CACNA1B: variants seen among roughly 807,000 people sequenced by gnomAD.
CACNA1B encodes the protein calcium voltage-gated channel subunit alpha1 B.
In CACNA1B, 70 loss-of-function variants were observed where a neutral mutation model predicts 247.2. That is an observed-to-expected ratio of 0.28 (90% CI 0.23 to 0.35). The LOEUF is 0.35. CACNA1B is among the 10% of genes least tolerant of loss of function. The probability of loss-of-function intolerance (pLI) is 1.00; values close to 1 mark genes in which losing one functional copy is unlikely to be tolerated. For missense variants in CACNA1B, 2,367 were observed against 3,197.4 expected (o/e 0.74, Z 6.26); for synonymous variants, 1,231 against 1,294.4 (o/e 0.95, Z 1.05).
intron 31 of CACNA1B, among the ~76,000 whole-genome samples, chr9:138,065,157 C>T (rs548023064): frequency 6.6e-6 from 1 of 152,306 alleles, no homozygotes; most frequent in Non-Finnish European, 1.5e-5. Flanking sequence ...GGAGAAAGCT[C>T]CCCTACATTA....
intron 43 of CACNA1B, among the ~76,000 whole-genome samples, chr9:138,118,447 G>A (rs2739261): frequency 0.013 from 1,339 of 105,624 alleles, 6 homozygotes; most frequent in Middle Eastern, 0.039. Context: ...GGTGGGGGAC[G>A]TGTGAGACTG....
intron 3 of CACNA1B, among the ~76,000 whole-genome samples, chr9:137,884,967 CCTCCTCCCA>C (rs1956987742): frequency 1.2e-5 from 1 of 84,792 alleles, no homozygotes; most frequent in Non-Finnish European, 2.7e-5. Flanking sequence ...TCCCCCCCCC[CCTCCTCCCA>C]CTTTGCCTGT....
At chr9:137,939,847 T>TAAAA (rs61564187) in intron 6 of CACNA1B, among the ~76,000 whole-genome samples, 32 of 95,002 alleles carry the variant, frequency 3.4e-4, no homozygotes, top group South Asian at 2.2e-3. Flanking sequence ...AATAAATAAA[T>TAAAA]AAAAAAAAAT....
intron 43 of CACNA1B, among the ~76,000 whole-genome samples, chr9:138,118,403 A>G (rs1227132433): frequency 1.7e-5 from 1 of 60,156 alleles, no homozygotes; most frequent in African/African-American, 7.1e-5. Flanking sequence ...GGTGGGGGAC[A>G]TGTGAGACTT....
intron 36 of CACNA1B, among the ~76,000 whole-genome samples, chr9:138,087,384 CAAAA>C (rs58566171): frequency 1.9e-5 from 1 of 52,670 alleles, no homozygotes; most frequent in Non-Finnish European, 3.9e-5. Context: ...GACTCTGTCT[CAAAA>C]AAAAAAAAAA....
intron 40 of CACNA1B, among the ~76,000 whole-genome samples, chr9:138,112,742 T>C (rs1961686024): frequency 1.3e-5 from 2 of 152,248 alleles, no homozygotes; most frequent in Non-Finnish European, 2.9e-5. Context: ...ATTTATTTTT[T>C]TTAAATCCAG....
chr9:138,041,831 T>G (rs1313917859), intron 20 of CACNA1B, among the ~76,000 whole-genome samples: 1 of 152,210 alleles, frequency 6.6e-6, no homozygotes, highest in Non-Finnish European at 1.5e-5. Context: ...TGTAGCTCAC[T>G]GTAACCTTGA....
intron 36 of CACNA1B, among the ~76,000 whole-genome samples, chr9:138,085,602 C>T (rs902427199): frequency 1.3e-5 from 2 of 151,074 alleles, no homozygotes; most frequent in African/African-American, 4.9e-5. Flanking sequence ...TGTCAAAAGT[C>T]AAAGAGAAGA....
At chr9:138,002,501 T>G (rs1958589720) in intron 15 of CACNA1B, among the ~76,000 whole-genome samples, 2 of 147,026 alleles carry the variant, frequency 1.4e-5, no homozygotes, top group South Asian at 4.3e-4. Flanking sequence ...TTGAGGCTCT[T>G]AAGTTCAAGG....
intron 6 of CACNA1B, among the ~76,000 whole-genome samples, chr9:137,927,548 A>T (rs1425857424): frequency 1.3e-5 from 2 of 152,190 alleles, no homozygotes; most frequent in African/African-American, 4.8e-5. Flanking sequence ...TTGGCCATAT[A>T]TGCAAGAGTT....
At chr9:137,967,354 G>A (rs1353630708) in intron 10 of CACNA1B, among the ~76,000 whole-genome samples, 3 of 152,146 alleles carry the variant, frequency 2.0e-5, no homozygotes, top group Admixed American at 6.5e-5. Flanking sequence ...CCTGGTTTGA[G>A]GGTGTTCACT....
In CACNA1B at chr9:137,957,569, C is replaced by CTTTAAACA; in HGVS notation, c.1244-29_1244-28insTTTAAACA. Reference sequence around the variant, plus strand: ...GGTGGCCTGAGGGCTGCAGCTCAGGCAGTCTCTCCCATCCTTTGTTTAAAG... The same window carrying CTTTAAACA: ...GGTGGCCTGAGGGCTGCAGCTCAGGCTTTAAACAAGTCTCTCCCATCCTTTGTTTAAAG... On this transcript the variant is annotated intron_variant, in intron 9 of 46. Coordinates refer to ENST00000371372, the MANE Select transcript of CACNA1B (RefSeq NM_000718.4). The surrounding 1 kb of genome is among the most constrained non-coding windows in gnomAD (Gnocchi z 4.7). The CTTTAAACA allele has an allele frequency of 6.6e-7, 1 of 1,522,680 alleles. No individual in the cohort carries two copies. Among genetic ancestry groups the CTTTAAACA allele is most frequent in the African/African-American group, 1.4e-5 (1 of 72,392 alleles). The allele number at this position is 1,522,680 out of a possible 1,614,324, so 94.3% of individuals were successfully genotyped here. A position where few individuals can be genotyped will look rare whatever the true frequency, so the allele number is the denominator to read the frequency against.
chr9:137,960,489 G>A (rs367958609), intron 10 of CACNA1B, among the ~76,000 whole-genome samples: 1 of 78,556 alleles, frequency 1.3e-5, no homozygotes, highest in African/African-American at 4.8e-5. Flanking sequence ...GGGGAGATGC[G>A]AGACGCCGCC....
In CACNA1B at chr9:137,952,278, A is replaced by T. The variant is rs1411063148; in HGVS notation, c.971A>T (p.Asn324Ile). The part of the protein sequence containing the change: ...EGWTDILYNT[N>I]DAAGNTWNWL... The stretch of plus-strand genomic sequence containing the variant: ...TCTCCCTCTCCTTGCTTCCAGACAA[A>T]CGATGCGGCCGGCAACACCTGGAAC... The change falls in exon 7 of 47, where the codon AAC becomes ATC. Residue 324 changes from asparagine (N) to isoleucine (I), a missense_variant. Transcript: ENST00000371372. This position sits in a 1 kb window ranked among gnomAD's most constrained non-coding sequence, Gnocchi z 4.8. 1.2e-6 allele frequency: 2 copies of T among 1,613,394 alleles called. No homozygotes were observed. Among genetic ancestry groups the T allele is most frequent in the Non-Finnish European group, 8.5e-7 (1 of 1,179,560 alleles).
Position 138,073,416 on chromosome 9 carries a change from T to G in CACNA1B, c.4675-72T>G. Reference sequence around the variant, plus strand: ...GGGCCACAGGGATGTGGGAAGAGGTTGTAGGGTGGCAGCAGCTTGCCTGCG... The same window carrying G: ...GGGCCACAGGGATGTGGGAAGAGGTGGTAGGGTGGCAGCAGCTTGCCTGCG... On this transcript the variant is annotated intron_variant, in intron 32 of 46. Transcript: ENST00000371372. This position sits in a 1 kb window ranked among gnomAD's most constrained non-coding sequence, Gnocchi z 6.4. The G allele has an allele frequency of 2.3e-6, 2 of 861,466 alleles. No individual in the cohort carries two copies. Among genetic ancestry groups the G allele is most frequent in the Non-Finnish European group, 4.0e-6 (2 of 500,960 alleles). 53.4% of individuals were successfully genotyped at this position (861,466 alleles called of 1,614,324 possible).
chr9:138,060,050 A>G (rs1372984182), intron 31 of CACNA1B, among the ~76,000 whole-genome samples: 1 of 152,244 alleles, frequency 6.6e-6, no homozygotes, highest in Non-Finnish European at 1.5e-5. Context: ...ATATGTATCT[A>G]ACAAGGTGGT....
At chr9:138,066,532 G>A (rs886402258) in intron 31 of CACNA1B, among the ~76,000 whole-genome samples, 5 of 152,172 alleles carry the variant, frequency 3.3e-5, no homozygotes, top group African/African-American at 1.2e-4. Flanking sequence ...TGTGGGGCGT[G>A]AAAGTGCATT....
intron 6 of CACNA1B, among the ~76,000 whole-genome samples, chr9:137,946,910 C>G (rs1482675639): frequency 1.3e-5 from 2 of 152,220 alleles, no homozygotes; most frequent in African/African-American, 4.8e-5. Flanking sequence ...ATGAGTCATC[C>G]AGGTTCTTGG....
At position 137,886,732 on chromosome 9, in the gene CACNA1B, G is replaced by A. The variant is rs560390218; in HGVS notation, c.530+3849G>A. Among the ~76,000 whole-genome samples, 8 of 151,424 alleles carry A rather than the reference G, an allele frequency of 5.3e-5. No homozygotes were observed. In the East Asian group the frequency reaches 1.6e-3, roughly 30 times the overall value. On this transcript the variant is annotated intron_variant, in intron 3 of 46. Coordinates refer to ENST00000371372, the MANE Select transcript of CACNA1B (RefSeq NM_000718.4). ...TCGGCGGGTGGACGGATGAGTGGAT[G>A]GTGATGAGTTGCGGCATGGGCGTGC...
Sources: gnomAD v4.1 joint callset for allele counts (sites outside exome capture counted in the v4.1 genomes callset) on GRCh38, gnomAD v4.1.1 for gene constraint, Gnocchi (gnomAD v3.1) non-coding constraint, MANE v1.5 for transcripts, NCBI Gene and HGNC (gene_info 2026-07-23, HGNC 2026-07-21) for gene names.